Variants in RXFP2 observed in about 807,000 individuals in gnomAD.
The protein encoded by RXFP2 is relaxin receptor 2.
In RXFP2, 68 loss-of-function variants were observed where a neutral mutation model predicts 88.6. The observed-to-expected ratio is 0.77, with a 90% CI of 0.63 to 0.94. The LOEUF is 0.94. RXFP2 is among the 40% of genes least tolerant of loss of function. RXFP2 has a pLI of 0.00. For synonymous variants in RXFP2, 329 were observed against 306.8 expected (o/e 1.07, Z -0.76); for missense variants, 791 against 893.9 (o/e 0.88, Z 1.47).
intron 1 of RXFP2, among the ~76,000 whole-genome samples, chr13:31,747,511 C>A (rs911044221): frequency 6.6e-5 from 10 of 152,224 alleles, no homozygotes; most frequent in African/African-American, 2.4e-4. Flanking sequence ...TGGATTATCA[C>A]TGAAGCACTG....
At chr13:31,787,807 T>G (rs1178663162) in intron 13 of RXFP2, among the ~76,000 whole-genome samples, 1 of 152,052 alleles carries the variant, frequency 6.6e-6, no homozygotes, top group Admixed American at 6.5e-5. Context: ...GCCAGGCTAC[T>G]TTTTTTGTAT....
intron 1 of RXFP2, among the ~76,000 whole-genome samples, chr13:31,755,896 C>T (rs1871922632): frequency 1.3e-5 from 2 of 152,158 alleles, no homozygotes; most frequent in African/African-American, 2.4e-5. Flanking sequence ...CCAAAAGCCA[C>T]GCTCTGAGTC....
intron 1 of RXFP2, among the ~76,000 whole-genome samples, chr13:31,743,533 C>T (rs1317877101): frequency 1.3e-5 from 2 of 151,926 alleles, no homozygotes; most frequent in African/African-American, 4.8e-5. Context: ...AAGTAAAAAG[C>T]CTTTACAACA....
chr13:31,777,592 CTGTTAAT>C, intron 8 of RXFP2, 145 bp downstream of exon 8: 1 of 655,146 alleles, frequency 1.5e-6, no homozygotes, highest in Non-Finnish European at 2.7e-6. Flanking sequence ...GCCACAGTTA[CTGTTAAT>C]ATAATACTTC....
intron 7 of RXFP2, among the ~76,000 whole-genome samples, chr13:31,776,329 C>T (rs1338511529): frequency 7.2e-6 from 1 of 138,256 alleles, no homozygotes; most frequent in African/African-American, 2.7e-5. Flanking sequence ...AATCTCAACT[C>T]ACTGCAGCCT....
chr13:31,798,735 T>C lies in RXFP2; in HGVS notation c.2005+1316T>C, dbSNP rs199834241. Among the ~76,000 whole-genome samples, 12 of 152,284 alleles carry C rather than the reference T, an allele frequency of 7.9e-5. No homozygotes were observed. The East Asian group carries it at 1.5e-3, about 20-fold the overall frequency. On this transcript the variant is annotated intron_variant, in intron 17 of 17. Coordinates refer to ENST00000298386, the MANE Select transcript of RXFP2 (RefSeq NM_130806.5). ...CTGTGATCCAGGCCCACTGGAATGA[T>C]TGGGCTTTGTTTTCTATGCTTTTCT...
chr13:31,744,415 G>A (rs1051305804), intron 1 of RXFP2, among the ~76,000 whole-genome samples: 3 of 152,128 alleles, frequency 2.0e-5, no homozygotes, highest in African/African-American at 7.2e-5. Flanking sequence ...AGGTCAGTAG[G>A]AAACTATATA....
intron 15 of RXFP2, 33 bp downstream of exon 15, chr13:31,792,068 A>G (rs1873819645): frequency 6.7e-7 from 1 of 1,482,972 alleles, no homozygotes; most frequent in Non-Finnish European, 9.4e-7. Context: ...TAGATTAAGG[A>G]TATCTTCTGT....
intron 5 of RXFP2, among the ~76,000 whole-genome samples, chr13:31,773,008 C>T (rs767537715): frequency 6.6e-6 from 1 of 152,288 alleles, no homozygotes. Context: ...CTTCAATATA[C>T]CTACAATACA....
chr13:31,749,017 G>A (rs539605701), intron 1 of RXFP2, among the ~76,000 whole-genome samples: 3 of 151,894 alleles, frequency 2.0e-5, no homozygotes, highest in East Asian at 1.9e-4. Context: ...ATACAAGGAC[G>A]TTCTTAATTT....
intron 3 of RXFP2, among the ~76,000 whole-genome samples, chr13:31,763,058 G>T (rs1229668942): frequency 6.7e-6 from 1 of 149,234 alleles, no homozygotes; most frequent in Non-Finnish European, 1.5e-5. Context: ...TGCCTGCAAA[G>T]AACGTTTGAC....
In RXFP2 at chr13:31,739,572, GTATAAGAGGATACGTC is replaced by G. The variant is rs1231468607; in HGVS notation, c.-38_-23del. On this transcript the variant is annotated 5_prime_UTR_variant, in exon 1 of 18. An upstream open reading frame in the 5' UTR gains an earlier in-frame stop. Coordinates refer to ENST00000298386, the MANE Select transcript of RXFP2 (RefSeq NM_130806.5). ...TTACTACATCAGAACTCCTGCTGAGGTATAAGAGGATACGTCTAATAACTCAATTGCTGTAAACCTA... is the reference window on the plus strand; with the variant it reads ...TTACTACATCAGAACTCCTGCTGAGGTAATAACTCAATTGCTGTAAACCTA... The G allele has an allele frequency of 1.8e-5, 23 of 1,270,520 alleles. No individual in the cohort carries two copies. The highest frequency in any genetic ancestry group is 2.4e-5 in the Non-Finnish European group (21 of 866,988). 78.7% of individuals were successfully genotyped at this position (1,270,520 alleles called of 1,614,324 possible).
At chr13:31,798,612 A>T (rs944231923) in intron 17 of RXFP2, among the ~76,000 whole-genome samples, 4 of 152,218 alleles carry the variant, frequency 2.6e-5, no homozygotes. Flanking sequence ...TTTCAAATTC[A>T]GCAGGACAAA....
At position 31,791,929 on chromosome 13, in the gene RXFP2, G is replaced by T. The variant is rs1883033318; in HGVS notation, c.1269G>T (p.Trp423Cys). The part of the protein sequence containing the change: ...LANNILRIFV[W>C]VIAFITCFGN... Reference sequence around the variant, plus strand: ...ACAATATCCTCAGAATATTTGTCTGGGTTATAGCTTTCATTACCTGCTTTG... The same window carrying T: ...ACAATATCCTCAGAATATTTGTCTGTGTTATAGCTTTCATTACCTGCTTTG... Residue 423 changes from tryptophan (W) to cysteine (C), a missense_variant, in exon 15 of 18, where the codon TGG becomes TGT. Transcript: ENST00000298386. 1 of 1,614,054 alleles carries T rather than the reference G, an allele frequency of 6.2e-7. No individual in the cohort carries two copies. The highest frequency in any genetic ancestry group is 1.1e-5 in the South Asian group (1 of 91,072).
chr13:31,776,126 C>CTTTCTTTCT (rs1471656681), intron 7 of RXFP2, among the ~76,000 whole-genome samples: 1 of 141,498 alleles, frequency 7.1e-6, no homozygotes, highest in Non-Finnish European at 1.5e-5. Flanking sequence ...TTCTTTCTTT[C>CTTTCTTTCT]TTTCTTTCTT....
At chr13:31,771,846 G>T (rs757126678) in intron 5 of RXFP2, among the ~76,000 whole-genome samples, 10 of 151,504 alleles carry the variant, frequency 6.6e-5, no homozygotes, top group Non-Finnish European at 1.5e-4. Flanking sequence ...CTACGAAACC[G>T]TGGGGACTGT....
rs747998744 is a variant in RXFP2, at chr13:31,793,076, G to A, written c.1774G>A (p.Gly592Arg). 6.2e-7 allele frequency: 1 copy of A among 1,610,598 alleles called. No individual in the cohort carries two copies. Among genetic ancestry groups the A allele is most frequent in the South Asian group, 1.1e-5 (1 of 90,740 alleles). Residue 592 changes from glycine (G) to arginine (R), a missense_variant, in exon 16 of 18, where the codon GGA becomes AGA. Transcript: ENST00000298386. ...EDIGSKGYSL[G>R]IFLGVNLLAF... ...TATTGGAAGCAAAGGGTATTCTCTT[G>A]GAATTTTCCTAGGTAAATTATATTT...
In RXFP2 at chr13:31,782,638, A is replaced by T. The variant is rs749227464; in HGVS notation, c.858-38A>T. On this transcript the variant is annotated intron_variant, in intron 10 of 17. Transcript: ENST00000298386. ...CAATGAGAACTGATTACTACAGCAG[A>T]CGCAAACCCACATGCTGATTCTCGC... 2.7e-6 allele frequency: 4 copies of T among 1,483,230 alleles called. No homozygotes were observed. In the Admixed American group the frequency reaches 6.7e-5, roughly 25 times the overall value. 91.9% of individuals were successfully genotyped at this position (1,483,230 alleles called of 1,614,324 possible). A position where few individuals can be genotyped will look rare whatever the true frequency, so the allele number is the denominator to read the frequency against.
intron 2 of RXFP2, among the ~76,000 whole-genome samples, chr13:31,759,887 C>A (rs564125268): frequency 6.6e-6 from 1 of 152,072 alleles, no homozygotes; most frequent in Non-Finnish European, 1.5e-5. Context: ...ATCCACACTT[C>A]CCGTGGATCA....
Sources: allele counts gnomAD v4.1 joint callset (sites outside exome capture counted in the v4.1 genomes callset), GRCh38; gene constraint gnomAD v4.1.1; transcripts MANE v1.5; gene names NCBI Gene and HGNC (gene_info 2026-07-23, HGNC 2026-07-21).